PTPRT: variants seen among roughly 807,000 people sequenced by gnomAD.
PTPRT encodes the protein receptor-type tyrosine-protein phosphatase T.
In PTPRT, 56 loss-of-function variants were observed where a neutral mutation model predicts 176.8. That is an observed-to-expected ratio of 0.32 (90% CI 0.26 to 0.40). The LOEUF is 0.40. Among genes scored for constraint, PTPRT ranks in the 10% least tolerant of loss-of-function variants. The probability of loss-of-function intolerance (pLI) is 1.00; values close to 1 mark genes in which losing one functional copy is unlikely to be tolerated. For missense variants in PTPRT, 1,540 were observed against 1,908.2 expected, an observed-to-expected ratio of 0.81 and a Z score of 3.60; for synonymous variants, 783 against 739.0, an observed-to-expected ratio of 1.06 and a Z score of -0.96.
chr20:42,324,733 A>G (rs2057857068), intron 11 of PTPRT, among the ~76,000 whole-genome samples: 1 of 152,194 alleles, frequency 6.6e-6, no homozygotes, highest in African/African-American at 2.4e-5. Flanking sequence ...TTCCCTGCTT[A>G]AAGGTCACTC....
chr20:43,149,370 T>G (rs2014270507), intron 1 of PTPRT, among the ~76,000 whole-genome samples: 1 of 152,206 alleles, frequency 6.6e-6, no homozygotes, highest in East Asian at 1.9e-4. Flanking sequence ...GTTAATTCTA[T>G]TCACTGGAGA....
intron 7 of PTPRT, among the ~76,000 whole-genome samples, chr20:42,593,657 A>T (rs2073618994): frequency 6.6e-6 from 1 of 152,208 alleles, no homozygotes; most frequent in Non-Finnish European, 1.5e-5. Context: ...ATTAATAATG[A>T]CAATAGAGAT....
chr20:43,121,718 A>G (rs190982386), intron 1 of PTPRT, among the ~76,000 whole-genome samples: 6 of 152,354 alleles, frequency 3.9e-5, no homozygotes, highest in Admixed American at 2.6e-4. Context: ...GGCAGAGAAA[A>G]TAAAAAATAA....
intron 9 of PTPRT, among the ~76,000 whole-genome samples, chr20:42,390,643 T>C (rs953578402): frequency 5.9e-5 from 9 of 152,178 alleles, no homozygotes; most frequent in African/African-American, 2.2e-4. Context: ...CCTCTGACAA[T>C]AGCTGTGTGA....
At chr20:42,721,139 A>C (rs1244048273) in intron 6 of PTPRT, among the ~76,000 whole-genome samples, 1 of 152,230 alleles carries the variant, frequency 6.6e-6, no homozygotes, top group African/African-American at 2.4e-5. Flanking sequence ...TTGCATGTTC[A>C]AGGGTAACTT....
intron 13 of PTPRT, among the ~76,000 whole-genome samples, chr20:42,256,137 G>C (rs1372956591): frequency 6.6e-6 from 1 of 152,150 alleles, no homozygotes; most frequent in Non-Finnish European, 1.5e-5. Context: ...TCTGATTATG[G>C]GGGTTTTGCC....
rs530019716 is a variant in PTPRT at position 42,472,935 on chromosome 20, C to T, written c.1154-373G>A. Among the ~76,000 whole-genome samples, 101 of 152,260 alleles carry T rather than the reference C, an allele frequency of 6.6e-4. 1 individual carries two copies. Among genetic ancestry groups the T allele is most frequent in the African/African-American group, 2.2e-3 (92 of 41,546 alleles). On this transcript the variant is annotated intron_variant, in intron 7 of 30. Transcript: ENST00000373187. ...CGCTTCTGGGATACGCTTATTTAGA[C>T]GGCTGCTGAGAGCTGACCTGCCTCC...
At chr20:42,102,054 C>T (rs1985991780) in intron 26 of PTPRT, 70 bp downstream of exon 26, 1 of 1,550,764 alleles carries the variant, frequency 6.4e-7, no homozygotes. Flanking sequence ...GAGGTCCAGC[C>T]ACCTCCACCT....
intron 7 of PTPRT, among the ~76,000 whole-genome samples, chr20:42,530,539 T>C (rs1204676796): frequency 1.3e-5 from 2 of 152,210 alleles, no homozygotes; most frequent in Non-Finnish European, 2.9e-5. Context: ...GAAGTGGCTT[T>C]TGGGATCAGG....
chr20:42,097,740 T>G (rs1243203297), intron 27 of PTPRT, among the ~76,000 whole-genome samples: 1 of 152,190 alleles, frequency 6.6e-6, no homozygotes, highest in Non-Finnish European at 1.5e-5. Flanking sequence ...TTTAAGGCAG[T>G]GAAAGGATAG....
At chr20:42,130,074 G>A (rs1988054243) in intron 18 of PTPRT, among the ~76,000 whole-genome samples, 1 of 152,200 alleles carries the variant, frequency 6.6e-6, no homozygotes, top group Non-Finnish European at 1.5e-5. Flanking sequence ...GAATGGTAGA[G>A]CACAGAGGAG....
chr20:42,128,927 A>C, intron 18 of PTPRT, 97 bp from the exon 19 acceptor site: 1 of 1,003,288 alleles, frequency 1.0e-6, no homozygotes, highest in Non-Finnish European at 1.4e-6. Flanking sequence ...ACTGCATATC[A>C]GGCATTGTGC....
chr20:43,159,388 G>A (rs1415475524), intron 1 of PTPRT, among the ~76,000 whole-genome samples: 3 of 152,230 alleles, frequency 2.0e-5, no homozygotes, highest in African/African-American at 7.2e-5. Flanking sequence ...CTGCTGCAGA[G>A]TCATCATTGC....
At chr20:42,371,684 C>A (rs367619059) in intron 9 of PTPRT, among the ~76,000 whole-genome samples, 3 of 152,302 alleles carry the variant, frequency 2.0e-5, no homozygotes, top group South Asian at 4.1e-4. Context: ...ATTGCCAAGC[C>A]CAGTGCCTGA....
intron 2 of PTPRT, among the ~76,000 whole-genome samples, chr20:42,838,810 GT>G (rs895761738): frequency 1.3e-5 from 2 of 152,106 alleles, no homozygotes; most frequent in Non-Finnish European, 2.9e-5. Context: ...GTCTAGTGTA[GT>G]GGCCATCATT....
chr20:43,061,497 G>A (rs1399227359), intron 1 of PTPRT, among the ~76,000 whole-genome samples: 1 of 152,148 alleles, frequency 6.6e-6, no homozygotes, highest in Non-Finnish European at 1.5e-5. Flanking sequence ...GCCCAGATGG[G>A]CCTCTAGATG....
intron 1 of PTPRT, among the ~76,000 whole-genome samples, chr20:42,898,651 G>A (rs532223948): frequency 1.4e-4 from 22 of 152,268 alleles, no homozygotes; most frequent in African/African-American, 5.3e-4. Context: ...TACATGGTCT[G>A]CTATGGGCCT....
At chr20:42,389,368 T>G (rs2058777383) in intron 9 of PTPRT, among the ~76,000 whole-genome samples, 1 of 152,206 alleles carries the variant, frequency 6.6e-6, no homozygotes, top group Admixed American at 6.5e-5. Flanking sequence ...TAAATTCTTC[T>G]TTCACAGCAC....
intron 16 of PTPRT, among the ~76,000 whole-genome samples, chr20:42,180,991 A>G (rs1043568145): frequency 6.6e-6 from 1 of 152,242 alleles, no homozygotes; most frequent in African/African-American, 2.4e-5. Context: ...AAAGAAGCCT[A>G]GTACCAACAA....
Sources: gnomAD v4.1 joint callset for allele counts (sites outside exome capture counted in the v4.1 genomes callset) on GRCh38, gnomAD v4.1.1 for gene constraint, MANE v1.5 for transcripts, NCBI Gene and HGNC (gene_info 2026-07-23, HGNC 2026-07-21) for gene names.